THADA: variants seen among roughly 807,000 people sequenced by gnomAD.
THADA encodes the protein tRNA (32-2'-O)-methyltransferase regulator THADA.
A neutral mutation model predicts 219.8 loss-of-function variants in THADA; 213 were observed. The ratio of observed to expected loss-of-function variants is 0.97; its 90% CI spans 0.87 to 1.09. The LOEUF (loss-of-function observed/expected upper bound fraction) is 1.09. Among genes scored for constraint, THADA ranks in the 50% least tolerant of loss-of-function variants. The probability of loss-of-function intolerance (pLI) is 0.00; values close to 1 mark genes in which losing one functional copy is unlikely to be tolerated. For synonymous variants in THADA, 1,018 were observed against 828.9 expected, an observed-to-expected ratio of 1.23 and a Z score of -3.92; for missense variants, 2,956 against 2,311.3, an observed-to-expected ratio of 1.28 and a Z score of -5.72.
chr2:43,528,091 T>C (rs1057288494), intron 21 of THADA, 103 bp from the exon 22 acceptor site: 8 of 729,644 alleles, frequency 1.1e-5, no homozygotes, highest in African/African-American at 9.0e-5. Context: ...GGTCCATTCA[T>C]TTAGCGCTTA....
At chr2:43,338,962 G>C (rs2104521754) in intron 30 of THADA, among the ~76,000 whole-genome samples, 1 of 152,166 alleles carries the variant, frequency 6.6e-6, no homozygotes, top group South Asian at 2.1e-4. Context: ...CAAAGAGTTT[G>C]AAATAATAAC....
intron 26 of THADA, among the ~76,000 whole-genome samples, chr2:43,472,175 T>A (rs780353230): frequency 2.3e-4 from 35 of 152,220 alleles, no homozygotes; most frequent in Admixed American, 7.2e-4. Flanking sequence ...GCCAACCAGT[T>A]TGGCAGTGCA....
intron 36 of THADA, among the ~76,000 whole-genome samples, chr2:43,247,727 CAAAAAAAAAAAA>C (rs56687341): frequency 1.9e-5 from 1 of 53,378 alleles, no homozygotes; most frequent in African/African-American, 7.1e-5. Context: ...GACTCCGTCT[CAAAAAAAAAAAA>C]AAAAAAAAAA....
intron 35 of THADA, among the ~76,000 whole-genome samples, chr2:43,283,076 C>T (rs556701753): frequency 6.6e-6 from 1 of 152,290 alleles, no homozygotes; most frequent in African/African-American, 2.4e-5. Context: ...CTCACAAGAT[C>T]TGATGGTTTA....
At chr2:43,440,973 T>C (rs1230679699) in intron 26 of THADA, among the ~76,000 whole-genome samples, 1 of 152,226 alleles carries the variant, frequency 6.6e-6, no homozygotes, top group African/African-American at 2.4e-5. Context: ...CTAGTTTATC[T>C]TGGAAGCTAT....
chr2:43,553,367 A>G (rs991752544), intron 17 of THADA, among the ~76,000 whole-genome samples: 1 of 152,104 alleles, frequency 6.6e-6, no homozygotes, highest in South Asian at 2.1e-4. Flanking sequence ...CTTGGAAGGT[A>G]ATTAGGTTTA....
chr2:43,241,420 T>C (rs1362941199), intron 36 of THADA, among the ~76,000 whole-genome samples: 1 of 151,516 alleles, frequency 6.6e-6, no homozygotes, highest in African/African-American at 2.4e-5. Context: ...GAGCCTACTA[T>C]TTAAAAGAAA....
chr2:43,577,039 C>G lies in THADA; in HGVS notation c.1020G>C (p.Leu340Phe). 1 of 1,612,940 alleles carries G rather than the reference C, an allele frequency of 6.2e-7. No individual in the cohort carries two copies. The highest frequency in any genetic ancestry group is 2.2e-5 in the East Asian group (1 of 44,878). ...AAACTCACTGTGAACTCAAGGTGAACAAAACATGTGCAGTATCCAAGAGCA... is the reference window on the plus strand; with the variant it reads ...AAACTCACTGTGAACTCAAGGTGAAGAAAACATGTGCAGTATCCAAGAGCA... ...EALLLDTAHV[L>F]FTLSSQIKEP... Residue 340 changes from leucine to phenylalanine, a missense_variant, in exon 10 of 38, where the codon TTG becomes TTC. Physicochemically the swap from Leu to Phe is conservative, Grantham distance 22 (BLOSUM62 0). Coordinates refer to ENST00000405975, the MANE Select transcript of THADA (RefSeq NM_022065.5).
intron 27 of THADA, 147 bp downstream of exon 27, chr2:43,430,066 G>A: frequency 2.2e-6 from 1 of 445,990 alleles, no homozygotes. Flanking sequence ...TGGGTGACAG[G>A]GAAAGACCCT....
At chr2:43,507,337 A>T (rs1689804551) in intron 23 of THADA, among the ~76,000 whole-genome samples, 1 of 152,224 alleles carries the variant, frequency 6.6e-6, no homozygotes. Flanking sequence ...ACTTAGTATA[A>T]GTTGGGCACC....
intron 28 of THADA, among the ~76,000 whole-genome samples, chr2:43,419,754 G>A (rs1677457486): frequency 6.6e-6 from 1 of 152,100 alleles, no homozygotes; most frequent in Admixed American, 6.5e-5. Context: ...TAAGAACAAG[G>A]AAATAAAAGT....
intron 22 of THADA, among the ~76,000 whole-genome samples, chr2:43,524,863 C>A (rs1029691467): frequency 6.6e-6 from 1 of 152,182 alleles, no homozygotes; most frequent in Non-Finnish European, 1.5e-5. Context: ...TCCATTTATT[C>A]GGAATGCCTT....
At chr2:43,515,794 A>C (rs1691651283) in intron 22 of THADA, among the ~76,000 whole-genome samples, 1 of 152,134 alleles carries the variant, frequency 6.6e-6, no homozygotes, top group Non-Finnish European at 1.5e-5. Context: ...TACAAAGATT[A>C]AGTCTGCCTT....
chr2:43,411,799 G>A (rs569832268), intron 28 of THADA, among the ~76,000 whole-genome samples: 2 of 152,130 alleles, frequency 1.3e-5, no homozygotes, highest in Admixed American at 1.3e-4. Context: ...TCAGAAGCAC[G>A]GTACATTATT....
chr2:43,504,457 C>T (rs1034456794), intron 24 of THADA, among the ~76,000 whole-genome samples: 4 of 152,170 alleles, frequency 2.6e-5, no homozygotes, highest in African/African-American at 9.7e-5. Context: ...TCATTCTGGC[C>T]TGTGGGCTCT....
intron 36 of THADA, among the ~76,000 whole-genome samples, chr2:43,233,652 T>C (rs573962410): frequency 1.3e-5 from 2 of 152,198 alleles, no homozygotes; most frequent in Admixed American, 1.3e-4. Context: ...ACTGAAAGAA[T>C]AGAAGGGTGC....
At chr2:43,553,349 A>G (rs1453029891) in intron 17 of THADA, among the ~76,000 whole-genome samples, 1 of 152,158 alleles carries the variant, frequency 6.6e-6, no homozygotes, top group Non-Finnish European at 1.5e-5. Flanking sequence ...ATAATCGAAG[A>G]TGGAGACCTT....
At chr2:43,280,039 A>G in intron 35 of THADA, 143 bp from the exon 36 acceptor site, 1 of 882,952 alleles carries the variant, frequency 1.1e-6, no homozygotes, top group Non-Finnish European at 1.6e-6. Context: ...TAAGATAGAA[A>G]GAGTGTTAGA....
intron 28 of THADA, chr2:43,408,549 T>C (rs1466903945): frequency 2.0e-5 from 3 of 152,230 alleles, no homozygotes; most frequent in East Asian, 3.8e-4. Context: ...TGAAACCTAC[T>C]GTGAAGCAGA....
Sources: gnomAD v4.1 joint callset for allele counts (sites outside exome capture counted in the v4.1 genomes callset) on GRCh38, gnomAD v4.1.1 for gene constraint, MANE v1.5 for transcripts, NCBI Gene and HGNC (gene_info 2026-07-23, HGNC 2026-07-21) for gene names.